The following CEP135 variants were observed in gnomAD, a reference collection of about 807,000 sequenced individuals.
The protein encoded by CEP135 is centrosomal protein 135, also known as centrosomal protein of 135 kDa.
In CEP135, 142 loss-of-function variants were observed where a neutral mutation model predicts 157.3. The observed-to-expected ratio is 0.90, with a 90% CI of 0.79 to 1.04. The LOEUF is 1.04. CEP135 is among the 50% of genes least tolerant of loss of function. CEP135 has a pLI of 0.00. For synonymous variants in CEP135, 396 were observed against 439.8 expected (o/e 0.90, Z 1.25); for missense variants, 1,317 against 1,309.2 (o/e 1.01, Z -0.09).
intron 17 of CEP135, among the ~76,000 whole-genome samples, chr4:56,001,604 T>C (rs147035420): frequency 6.6e-6 from 1 of 152,274 alleles, no homozygotes; most frequent in Non-Finnish European, 1.5e-5. Context: ...TATTATGTTC[T>C]GTTGGTCTGT....
At chr4:55,998,608 T>G (rs930652554) in intron 15 of CEP135, among the ~76,000 whole-genome samples, 3 of 152,238 alleles carry the variant, frequency 2.0e-5, no homozygotes, top group East Asian at 1.9e-4. Context: ...CTCACACCTG[T>G]AATCCCAGCA....
chr4:55,952,313 A>G, intron 2 of CEP135, 70 bp downstream of exon 2: 6 of 888,202 alleles, frequency 6.8e-6, no homozygotes, highest in Non-Finnish European at 1.1e-5. Context: ...ATTGAACTTC[A>G]TGCTTTGGTA....
At chr4:55,958,292 G>A (rs544718243) in intron 5 of CEP135, among the ~76,000 whole-genome samples, 3 of 152,152 alleles carry the variant, frequency 2.0e-5, no homozygotes, top group East Asian at 1.9e-4. Context: ...AAAATTAGCC[G>A]AGCATGGTGG....
intron 18 of CEP135, among the ~76,000 whole-genome samples, chr4:56,008,725 T>G (rs1730451918): frequency 6.6e-6 from 1 of 152,214 alleles, no homozygotes; most frequent in South Asian, 2.1e-4. Context: ...AAACCTATCT[T>G]GAGCACTGTC....
chr4:56,028,861 A>G (rs1355549480), intron 25 of CEP135, among the ~76,000 whole-genome samples: 1 of 152,176 alleles, frequency 6.6e-6, no homozygotes, highest in Non-Finnish European at 1.5e-5. Context: ...CTCAATTCTG[A>G]CATTATCTGC....
Position 56,020,762 on chromosome 4 carries a change from C to T in CEP135, c.3302C>T (p.Ser1101Leu). The T allele has an allele frequency of 6.2e-7, 1 of 1,613,024 alleles. No homozygotes were observed. The highest frequency in any genetic ancestry group is 8.5e-7 in the Non-Finnish European group (1 of 1,179,512). Residue 1101 changes from serine to leucine, a missense_variant, in exon 24 of 26, where the codon TCA (serine) becomes TTA (leucine). Coordinates refer to ENST00000257287, the MANE Select transcript of CEP135 (RefSeq NM_025009.5). Reference sequence around the variant, plus strand: ...TATGATGCTCTGAAAAGGCAGATCTCAACTGAAAGATACGAACGGTAAGAC... The same window carrying T: ...TATGATGCTCTGAAAAGGCAGATCTTAACTGAAAGATACGAACGGTAAGAC... ...TDYDALKRQI[S>L]TERYERERAI...
At chr4:55,959,618 C>T in intron 5 of CEP135, 64 bp from the exon 6 acceptor site, 1 of 1,356,204 alleles carries the variant, frequency 7.4e-7, no homozygotes, top group South Asian at 1.2e-5. Context: ...ACACATCTAG[C>T]TTCGTTTCTT....
At chr4:55,997,261 C>T (rs960957229) in intron 15 of CEP135, among the ~76,000 whole-genome samples, 1 of 152,182 alleles carries the variant, frequency 6.6e-6, no homozygotes. Flanking sequence ...GGTCTGGTAT[C>T]TAGTCTCTGT....
At chr4:55,964,649 G>A (rs3806748) in intron 7 of CEP135, among the ~76,000 whole-genome samples, 1 of 152,056 alleles carries the variant, frequency 6.6e-6, no homozygotes. Flanking sequence ...TTTAAAGGAA[G>A]AGAATAAACT....
intron 12 of CEP135, among the ~76,000 whole-genome samples, chr4:55,980,815 C>T (rs1729378839): frequency 6.6e-6 from 1 of 152,148 alleles, no homozygotes; most frequent in Non-Finnish European, 1.5e-5. Flanking sequence ...ACCCATCTCC[C>T]ATGAAATCCT....
intron 17 of CEP135, among the ~76,000 whole-genome samples, chr4:56,000,336 G>A (rs1309184053): frequency 6.6e-6 from 1 of 151,964 alleles, no homozygotes; most frequent in Non-Finnish European, 1.5e-5. Flanking sequence ...TTTTCTTTAT[G>A]CTAGGAATGT....
At chr4:55,990,253 CGCTTCTAGA>C (rs1729740230) in intron 14 of CEP135, among the ~76,000 whole-genome samples, 1 of 152,046 alleles carries the variant, frequency 6.6e-6, no homozygotes, top group Non-Finnish European at 1.5e-5. Flanking sequence ...CTAAAAACCT[CGCTTCTAGA>C]GCTGTGTATT....
At chr4:55,957,609 C>T (rs561093788) in intron 5 of CEP135, among the ~76,000 whole-genome samples, 1 of 152,330 alleles carries the variant, frequency 6.6e-6, no homozygotes, top group African/African-American at 2.4e-5. Flanking sequence ...TTATTGCCAT[C>T]AAGAACCTGT....
chr4:55,999,700 T>G lies in CEP135; in HGVS notation c.2280+55T>G. 3 of 1,541,104 alleles carry G rather than the reference T, an allele frequency of 1.9e-6. 1 individual carries two copies. The South Asian group carries it at 3.9e-5, about 20-fold the overall frequency. On this transcript the variant is annotated intron_variant, in intron 17 of 25. Transcript: ENST00000257287. ...CATCCAAACAGAACAGTTTTTTTTG[T>G]TTTTGTTTTTGAGATGGGGTCTCAC... is the stretch of plus-strand genomic sequence containing the variant.
chr4:56,014,827 T>G (rs1475672621), intron 21 of CEP135, among the ~76,000 whole-genome samples: 2 of 152,062 alleles, frequency 1.3e-5, no homozygotes, highest in African/African-American at 4.8e-5. Context: ...AATCCACCTG[T>G]GTCCACCAAA....
chr4:55,998,500 A>G (rs181265063), intron 15 of CEP135, among the ~76,000 whole-genome samples: 2 of 152,274 alleles, frequency 1.3e-5, no homozygotes, highest in African/African-American at 4.8e-5. Context: ...GGAAATGCCT[A>G]CTTTCCCTGC....
At chr4:55,960,078 T>C in intron 6 of CEP135, 1 of 450,132 alleles carries the variant, frequency 2.2e-6, no homozygotes. Flanking sequence ...TCACTATTCA[T>C]TGAGGTGAAT....
At chr4:56,014,400 A>C (rs1202582733) in intron 21 of CEP135, among the ~76,000 whole-genome samples, 1 of 152,244 alleles carries the variant, frequency 6.6e-6, no homozygotes, top group Non-Finnish European at 1.5e-5. Flanking sequence ...ATGAAGACTC[A>C]GAAGAGATGA....
At chr4:56,025,497 G>A (rs1343176444) in intron 25 of CEP135, among the ~76,000 whole-genome samples, 1 of 152,110 alleles carries the variant, frequency 6.6e-6, no homozygotes, top group Admixed American at 6.6e-5. Flanking sequence ...GAGGGAGAGA[G>A]GTTTGGAAGG....
Sources: allele counts gnomAD v4.1 joint callset (sites outside exome capture counted in the v4.1 genomes callset), GRCh38; gene constraint gnomAD v4.1.1; transcripts MANE v1.5; gene names NCBI Gene and HGNC (gene_info 2026-07-23, HGNC 2026-07-21).